The following STXBP5L variants were observed in gnomAD, a reference collection of about 807,000 sequenced individuals.
The protein encoded by STXBP5L is syntaxin binding protein 5L, also known as syntaxin-binding protein 5-like.
A neutral mutation model predicts 144.5 loss-of-function variants in STXBP5L; 65 were observed. The observed-to-expected ratio is 0.45, with a 90% confidence interval of 0.37 to 0.55. The LOEUF (loss-of-function observed/expected upper bound fraction) is 0.55. STXBP5L is among the 20% of genes least tolerant of loss of function. The pLI is 0.00. For missense variants in STXBP5L, 1,298 were observed against 1,405.5 expected, an observed-to-expected ratio of 0.92 and a Z score of 1.22; for synonymous variants, 505 against 469.6, an observed-to-expected ratio of 1.08 and a Z score of -0.97.
chr3:121,257,436 C>A, intron 17 of STXBP5L, 103 bp downstream of exon 17: 2 of 1,077,218 alleles, frequency 1.9e-6, no homozygotes, highest in South Asian at 1.8e-5. Context: ...AAGCTATTGT[C>A]AGGTGATCTA....
chr3:120,996,111 T>C (rs1288085312), intron 3 of STXBP5L, among the ~76,000 whole-genome samples: 2 of 152,162 alleles, frequency 1.3e-5, no homozygotes, highest in African/African-American at 2.4e-5. Flanking sequence ...AAGAGAGACA[T>C]GCTATCATTC....
At chr3:121,308,206 C>T (rs528831271) in intron 19 of STXBP5L, among the ~76,000 whole-genome samples, 145 of 152,250 alleles carry the variant, frequency 9.5e-4, no homozygotes, top group Middle Eastern at 3.4e-3. Flanking sequence ...CCGTGGCAAA[C>T]GTTTACCTAT....
chr3:121,178,760 T>G (rs2047028967), intron 9 of STXBP5L, among the ~76,000 whole-genome samples: 3 of 152,050 alleles, frequency 2.0e-5, no homozygotes, highest in African/African-American at 7.2e-5. Flanking sequence ...AAGAGCCATA[T>G]AGGCATTCTC....
At chr3:121,049,965 A>G (rs1343858989) in intron 5 of STXBP5L, among the ~76,000 whole-genome samples, 2 of 152,108 alleles carry the variant, frequency 1.3e-5, no homozygotes, top group African/African-American at 4.8e-5. Context: ...GCAAAGGTCC[A>G]TGACAGAAGT....
In STXBP5L at chr3:121,128,334, G is replaced by T. The variant is rs9289162; in HGVS notation, c.669+6630G>T. 1.1e-3 allele frequency among the ~76,000 whole-genome samples: 163 copies of T among 152,018 alleles called. 1 individual carries two copies. The highest frequency in any genetic ancestry group is 1.9e-3 in the Non-Finnish European group (132 of 67,954). Reference sequence around the variant, plus strand: ...AAAGTAGAGATGTCAGAGTCTTTGGGTATGGTATTAAAGAAGGGATCAGGG... The same window carrying T: ...AAAGTAGAGATGTCAGAGTCTTTGGTTATGGTATTAAAGAAGGGATCAGGG... On this transcript the variant is annotated intron_variant, in intron 7 of 26. Transcript: ENST00000471454.
intron 20 of STXBP5L, chr3:121,357,208 G>T: frequency 4.7e-6 from 1 of 214,120 alleles, no homozygotes. Flanking sequence ...CAGAAAGATG[G>T]TGTCTGGAAG....
At chr3:121,188,187 T>TA (rs2047481303) in intron 9 of STXBP5L, among the ~76,000 whole-genome samples, 1 of 152,164 alleles carries the variant, frequency 6.6e-6, no homozygotes, top group African/African-American at 2.4e-5. Flanking sequence ...CAAGTGGACC[T>TA]AATAGACATC....
intron 3 of STXBP5L, among the ~76,000 whole-genome samples, chr3:121,021,290 A>G (rs1221233402): frequency 3.3e-5 from 5 of 152,202 alleles, no homozygotes; most frequent in Non-Finnish European, 5.9e-5. Context: ...GACCTAAGCA[A>G]TGAGATAGAC....
At chr3:121,400,306 T>C (rs529199433) in intron 22 of STXBP5L, among the ~76,000 whole-genome samples, 8 of 152,252 alleles carry the variant, frequency 5.3e-5, no homozygotes, top group African/African-American at 1.9e-4. Context: ...GCCTGGAGTA[T>C]ACATAGAGGT....
intron 20 of STXBP5L, among the ~76,000 whole-genome samples, chr3:121,367,604 T>TG (rs1553778553): frequency 2.2e-5 from 3 of 139,408 alleles, no homozygotes; most frequent in African/African-American, 8.2e-5. Flanking sequence ...TGTTTTTTTT[T>TG]TTTTTTTTTT....
At chr3:121,323,060 A>G (rs1013919112) in intron 20 of STXBP5L, among the ~76,000 whole-genome samples, 1 of 152,028 alleles carries the variant, frequency 6.6e-6, no homozygotes, top group African/African-American at 2.4e-5. Flanking sequence ...TGCTTGTTGA[A>G]TTGTTTAACT....
At chr3:121,375,900 T>C (rs2046168708) in intron 20 of STXBP5L, among the ~76,000 whole-genome samples, 1 of 152,232 alleles carries the variant, frequency 6.6e-6, no homozygotes, top group Non-Finnish European at 1.5e-5. Flanking sequence ...ATGTATTCTA[T>C]GTATTGCTGA....
chr3:121,359,984 A>ATATAATATATATATTATTACTATATAT (rs2045657047), intron 20 of STXBP5L, among the ~76,000 whole-genome samples: 1 of 143,122 alleles, frequency 7.0e-6, no homozygotes, highest in Non-Finnish European at 1.5e-5. Context: ...AATATAATAT[A>ATATAATATATATATTATTACTATATAT]TATAATATAT....
At chr3:120,996,169 A>G (rs1576608108) in intron 3 of STXBP5L, among the ~76,000 whole-genome samples, 1 of 151,624 alleles carries the variant, frequency 6.6e-6, no homozygotes, top group African/African-American at 2.4e-5. Context: ...GCTGCTTTCC[A>G]TATTTTTGTT....
At chr3:121,327,705 T>C (rs1318341085) in intron 20 of STXBP5L, among the ~76,000 whole-genome samples, 2 of 152,244 alleles carry the variant, frequency 1.3e-5, no homozygotes, top group Admixed American at 1.3e-4. Flanking sequence ...TTTTAGTGTA[T>C]AATTCTACAG....
intron 10 of STXBP5L, among the ~76,000 whole-genome samples, chr3:121,206,434 A>C (rs573039934): frequency 5.5e-4 from 84 of 152,334 alleles, no homozygotes; most frequent in Middle Eastern, 3.4e-3. Flanking sequence ...GTGTATATTA[A>C]TGTAATAAAA....
intron 9 of STXBP5L, among the ~76,000 whole-genome samples, chr3:121,179,678 T>A (rs989375535): frequency 6.6e-6 from 1 of 151,826 alleles, no homozygotes; most frequent in Non-Finnish European, 1.5e-5. Flanking sequence ...TTAAAGAAAT[T>A]AAAAAATATA....
intron 3 of STXBP5L, among the ~76,000 whole-genome samples, chr3:121,001,428 G>A (rs1319718737): frequency 1.3e-5 from 2 of 152,196 alleles, no homozygotes; most frequent in African/African-American, 4.8e-5. Flanking sequence ...GTGCAAGTTT[G>A]ACAGTCAAAA....
intron 18 of STXBP5L, among the ~76,000 whole-genome samples, chr3:121,265,244 G>A (rs1046145729): frequency 3.3e-5 from 5 of 152,112 alleles, no homozygotes; most frequent in African/African-American, 1.2e-4. Context: ...CTCAGCAAGT[G>A]CAAAAGAACG....
Sources: gnomAD v4.1 joint callset for allele counts (sites outside exome capture counted in the v4.1 genomes callset) on GRCh38, gnomAD v4.1.1 for gene constraint, MANE v1.5 for transcripts, NCBI Gene and HGNC (gene_info 2026-07-23, HGNC 2026-07-21) for gene names.